Variants in ARID1B observed in about 807,000 individuals in gnomAD.
The protein encoded by ARID1B is AT-rich interaction domain 1B, also known as AT-rich interactive domain-containing protein 1B.
Under a neutral mutation model 212.3 loss-of-function variants are expected in ARID1B, and 30 were observed. The observed-to-expected ratio is 0.14, with a 90% CI of 0.11 to 0.19. The LOEUF is 0.19. Ranked by LOEUF, ARID1B falls within the 10% of genes least tolerant of loss-of-function variation. ARID1B has a pLI of 1.00. For synonymous variants in ARID1B, 1,402 were observed against 1,301.7 expected, an observed-to-expected ratio of 1.08 and a Z score of -1.66; for missense variants, 2,891 against 3,204.0, an observed-to-expected ratio of 0.90 and a Z score of 2.36.
intron 19 of ARID1B, chr6:157,205,374 T>C (rs1004063061): frequency 1.3e-5 from 2 of 151,848 alleles, no homozygotes; most frequent in Admixed American, 1.3e-4. Flanking sequence ...TGGTGGGGGG[T>C]GTTGGGAGAG....
chr6:157,116,857 G>A (rs1302159559), intron 6 of ARID1B, among the ~76,000 whole-genome samples: 1 of 152,150 alleles, frequency 6.6e-6, no homozygotes, highest in East Asian at 1.9e-4. Flanking sequence ...GTCAAAGCAC[G>A]CTGTACCTGA....
intron 13 of ARID1B, chr6:157,185,261 G>T (rs1792893535): frequency 6.6e-6 from 1 of 152,328 alleles, no homozygotes; most frequent in South Asian, 2.1e-4. Flanking sequence ...TGGCACCTTA[G>T]TGCTGGGTGG....
In ARID1B at chr6:156,778,047, T is replaced by C; in HGVS notation, c.367T>C (p.Ser123Pro). The C allele has an allele frequency of 6.5e-7, 1 of 1,529,778 alleles. No individual in the cohort carries two copies. Among genetic ancestry groups the C allele is most frequent in the South Asian group, 1.2e-5 (1 of 83,582 alleles). 94.8% of individuals were successfully genotyped at this position (1,529,778 alleles called of 1,614,324 possible). Residue 123 changes from serine (S) to proline (P), a missense_variant, in exon 1 of 20, where the codon TCC becomes CCC. By Grantham distance (74) the Ser-to-Pro change is moderately conservative. Transcript: ENST00000636930. ...SAAALSSSSS[S>P]SAAAAAASSS... is the part of the protein sequence containing the mutation. ...CGCCGCGCTGTCCTCCTCCTCCTCC[T>C]CCTCCGCGGCGGCAGCGGCGGCATC... is the stretch of plus-strand genomic sequence containing the variant.
chr6:156,901,924 G>GT (rs567654814), intron 3 of ARID1B: 170 of 194,016 alleles, frequency 8.8e-4, no homozygotes, highest in African/African-American at 3.3e-3. Flanking sequence ...CTTGACCTTT[G>GT]TTTTGTTTTG....
chr6:157,123,202 C>CTG (rs1050776867), intron 6 of ARID1B, among the ~76,000 whole-genome samples: 5 of 149,506 alleles, frequency 3.3e-5, no homozygotes, highest in African/African-American at 7.4e-5. Context: ...GTCTCTGTCT[C>CTG]TCTCTCAATC....
At chr6:157,162,114 T>TAACC in intron 8 of ARID1B, among the ~76,000 whole-genome samples, 1 of 152,330 alleles carries the variant, frequency 6.6e-6, no homozygotes, top group East Asian at 1.9e-4. Flanking sequence ...ATTTTAAAGA[T>TAACC]AACCACACAC....
intron 1 of ARID1B, among the ~76,000 whole-genome samples, chr6:156,791,949 A>G (rs1780043847): frequency 6.6e-6 from 1 of 152,130 alleles, no homozygotes; most frequent in Non-Finnish European, 1.5e-5. Context: ...TTTATTTCCT[A>G]ATGCTAGGAA....
chr6:156,778,183 A>ACCACCACCACCATGC lies in ARID1B; in HGVS notation c.516_530dup (p.Ala173_His177dup), dbSNP rs1051684288. 8 of 1,539,626 alleles carry ACCACCACCACCATGC rather than the reference A, an allele frequency of 5.2e-6. No homozygotes were observed. Among genetic ancestry groups the ACCACCACCACCATGC allele is most frequent in the Non-Finnish European group, 7.0e-6 (8 of 1,145,898 alleles). ...GCCGCGCCGCCCCACCAGCAGCACC[A>ACCACCACCACCATGC]CCACCACCACCATGCCCACCACCAC... On this transcript the variant is annotated inframe_insertion, in exon 1 of 20. Coordinates refer to ENST00000636930, the MANE Select transcript of ARID1B (RefSeq NM_001374828.1).
rs1051165266 is a variant in ARID1B, at chr6:157,045,894, A to G, written c.2248-38768A>G. On this transcript the variant is annotated intron_variant, in intron 4 of 19. Coordinates refer to ENST00000636930, the MANE Select transcript of ARID1B (RefSeq NM_001374828.1). The stretch of plus-strand genomic sequence containing the variant: ...AAATTTACTGTTTCCGCTAAAAGAA[A>G]GATTCAAGGGGGTGTGGGGAGAGGA... Among the ~76,000 whole-genome samples the G allele has an allele frequency of 3.3e-5, 5 of 152,162 alleles. No individual in the cohort carries two copies. The East Asian group carries it at 9.6e-4, about 29-fold the overall frequency.
chr6:156,815,764 T>A (rs1039592956), intron 1 of ARID1B, among the ~76,000 whole-genome samples: 1 of 152,256 alleles, frequency 6.6e-6, no homozygotes, highest in African/African-American at 2.4e-5. Flanking sequence ...ACTATCCAGC[T>A]ATATATAAAA....
At chr6:157,096,492 A>G (rs905371036) in intron 5 of ARID1B, among the ~76,000 whole-genome samples, 3 of 152,222 alleles carry the variant, frequency 2.0e-5, no homozygotes, top group Non-Finnish European at 4.4e-5. Flanking sequence ...TACCTTTCAC[A>G]AGTGTGCTTG....
chr6:157,181,712 G>A (rs1211976482), intron 12 of ARID1B, among the ~76,000 whole-genome samples: 1 of 152,156 alleles, frequency 6.6e-6, no homozygotes, highest in East Asian at 1.9e-4. Context: ...TGCCTGGGGT[G>A]CAGATTTAAG....
intron 4 of ARID1B, among the ~76,000 whole-genome samples, chr6:156,962,225 G>T (rs1324211332): frequency 2.6e-5 from 4 of 152,094 alleles, no homozygotes; most frequent in Non-Finnish European, 5.9e-5. Context: ...CGTGAACCCG[G>T]CGGGCGGAGC....
At chr6:156,840,242 G>GCT (rs1473818259) in intron 2 of ARID1B, among the ~76,000 whole-genome samples, 4 of 152,054 alleles carry the variant, frequency 2.6e-5, no homozygotes, top group African/African-American at 9.7e-5. Context: ...TTTTCCTCCT[G>GCT]CTGGGAAGTC....
chr6:157,026,960 C>A (rs1231654297), intron 4 of ARID1B, among the ~76,000 whole-genome samples: 1 of 152,098 alleles, frequency 6.6e-6, no homozygotes, highest in Admixed American at 6.5e-5. Flanking sequence ...GTTTCCTTCC[C>A]ATGTAATGCA....
chr6:156,928,650 A>C (rs1469548610), intron 3 of ARID1B, among the ~76,000 whole-genome samples: 1 of 152,204 alleles, frequency 6.6e-6, no homozygotes, highest in Non-Finnish European at 1.5e-5. Flanking sequence ...CTTAAAGGAC[A>C]GGGAGAAAGA....
intron 4 of ARID1B, chr6:157,036,958 A>T (rs1469022761): frequency 7.8e-6 from 3 of 386,038 alleles, no homozygotes; most frequent in Admixed American, 3.7e-5. Context: ...GAGGGGACTT[A>T]TTTTTTTTTT....
At chr6:156,924,813 T>C (rs1313902271) in intron 3 of ARID1B, among the ~76,000 whole-genome samples, 1 of 152,148 alleles carries the variant, frequency 6.6e-6, no homozygotes, top group Non-Finnish European at 1.5e-5. Flanking sequence ...ATACATTACT[T>C]TTTCCCTACA....
At chr6:156,791,943 T>A (rs1270500166) in intron 1 of ARID1B, among the ~76,000 whole-genome samples, 2 of 152,222 alleles carry the variant, frequency 1.3e-5, no homozygotes, top group Non-Finnish European at 2.9e-5. Context: ...TTTTTGTTTA[T>A]TTCCTAATGC....
Sources: gnomAD v4.1 joint callset for allele counts (sites outside exome capture counted in the v4.1 genomes callset) on GRCh38, gnomAD v4.1.1 for gene constraint, MANE v1.5 for transcripts, NCBI Gene and HGNC (gene_info 2026-07-23, HGNC 2026-07-21) for gene names.